The following TENM2 variants were observed in gnomAD, a reference collection of about 807,000 sequenced individuals.
TENM2 encodes the protein teneurin transmembrane protein 2, also known as teneurin-2.
Under a neutral mutation model 245.2 loss-of-function variants are expected in TENM2, and 52 were observed. The observed-to-expected ratio is 0.21, with a 90% CI of 0.17 to 0.27. The LOEUF (loss-of-function observed/expected upper bound fraction) is 0.27, where lower values mean the gene tolerates loss of function less well. Ranked by LOEUF, TENM2 falls within the 10% of genes least tolerant of loss-of-function variation. The pLI, the probability that TENM2 is intolerant of heterozygous loss-of-function variation, is 1.00. For missense variants in TENM2, 3,046 were observed against 3,666.8 expected (o/e 0.83, Z 4.37); for synonymous variants, 1,363 against 1,438.9 (o/e 0.95, Z 1.19).
At chr5:167,042,028 C>G in the TENM2 span, among the ~76,000 whole-genome samples, 21 of 152,142 alleles carry the variant, frequency 1.4e-4, no homozygotes, top group African/African-American at 4.3e-4. Context: ...TTCCCACAGG[C>G]TGACCAATGT....
the TENM2 span, among the ~76,000 whole-genome samples, chr5:166,979,072 C>T: frequency 6.6e-6 from 1 of 151,726 alleles, no homozygotes; most frequent in Non-Finnish European, 1.5e-5. Flanking sequence ...GGTGTGCGTG[C>T]GTGTGTTATG....
At chr5:168,200,347 A>G (rs779687200) in intron 17 of TENM2, among the ~76,000 whole-genome samples, 1 of 152,222 alleles carries the variant, frequency 6.6e-6, no homozygotes, top group Admixed American at 6.5e-5. Flanking sequence ...ATCAAGCAAG[A>G]TAGGTGCTAA....
rs763866538 is a variant in TENM2 at position 168,218,561 on chromosome 5, T to C, written c.4670T>C (p.Ile1557Thr). 18 of 1,613,890 alleles carry C rather than the reference T, an allele frequency of 1.1e-5. No individual in the cohort carries two copies. The highest frequency in any genetic ancestry group is 4.0e-5 in the African/African-American group (3 of 74,928). The change falls in exon 23 of 29, where the codon ATT becomes ACT. Residue 1557 changes from isoleucine (I) to threonine (T), a missense_variant. Coordinates refer to ENST00000518659, the Ensembl canonical transcript of TENM2. This position sits in a 1 kb window ranked among gnomAD's most constrained non-coding sequence, Gnocchi z 5.2. ...TTAGCTGTAGCTCCAGATGGTACCA[T>C]TTACATTGCAGACCTTGGAAATATT... is the stretch of plus-strand genomic sequence containing the variant.
At chr5:168,110,744 G>A (rs1333812022) in intron 9 of TENM2, among the ~76,000 whole-genome samples, 4 of 152,120 alleles carry the variant, frequency 2.6e-5, no homozygotes, top group South Asian at 2.1e-4. Context: ...TGTGTACTCC[G>A]AAGAATTTAA....
At chr5:168,075,211 T>C (rs1791364523) in intron 7 of TENM2, among the ~76,000 whole-genome samples, 1 of 152,226 alleles carries the variant, frequency 6.6e-6, no homozygotes, top group African/African-American at 2.4e-5. Flanking sequence ...CCTGAGTTAC[T>C]TCACTTAGAA....
chr5:167,183,258 C>G, the TENM2 span, among the ~76,000 whole-genome samples: 1 of 152,128 alleles, frequency 6.6e-6, no homozygotes, highest in Non-Finnish European at 1.5e-5. Context: ...GGTCCTGACT[C>G]CACCACTTAC....
intron 25 of TENM2, among the ~76,000 whole-genome samples, chr5:168,233,075 C>T (rs1407966979): frequency 6.6e-6 from 1 of 152,220 alleles, no homozygotes; most frequent in Non-Finnish European, 1.5e-5. Flanking sequence ...CGCCTGTAAT[C>T]CCAGCACTTT....
At chr5:167,127,339 C>T in the TENM2 span, among the ~76,000 whole-genome samples, 1 of 152,104 alleles carries the variant, frequency 6.6e-6, no homozygotes, top group Non-Finnish European at 1.5e-5. Flanking sequence ...TTGCTGAAAA[C>T]AGCACTGCTT....
At chr5:168,164,139 A>G (rs998853707) in intron 13 of TENM2, among the ~76,000 whole-genome samples, 2 of 152,174 alleles carry the variant, frequency 1.3e-5, no homozygotes, top group Admixed American at 1.3e-4. Context: ...TCCGCCTTTA[A>G]TATTTAACCT....
intron 2 of TENM2, among the ~76,000 whole-genome samples, chr5:167,861,622 C>T (rs554216538): frequency 6.6e-6 from 1 of 152,286 alleles, no homozygotes; most frequent in South Asian, 2.1e-4. Flanking sequence ...GCCATGCAAA[C>T]GCTGTGGCCA....
chr5:167,942,703 G>A (rs1375333327), intron 3 of TENM2, among the ~76,000 whole-genome samples: 1 of 152,100 alleles, frequency 6.6e-6, no homozygotes, highest in Non-Finnish European at 1.5e-5. Flanking sequence ...TCAGCAGCGG[G>A]GTACTTCTAC....
intron 2 of TENM2, among the ~76,000 whole-genome samples, chr5:167,709,624 G>C (rs1445705107): frequency 6.6e-6 from 1 of 152,170 alleles, no homozygotes; most frequent in Non-Finnish European, 1.5e-5. Context: ...CAGGTTCTCT[G>C]TCTCTTTCTC....
intron 2 of TENM2, among the ~76,000 whole-genome samples, chr5:167,595,933 C>G (rs1009531893): frequency 6.6e-6 from 1 of 152,124 alleles, no homozygotes; most frequent in African/African-American, 2.4e-5. Flanking sequence ...ACTGGAAAGA[C>G]AGAGTGACTG....
intron 12 of TENM2, among the ~76,000 whole-genome samples, chr5:168,150,327 A>G (rs573101840): frequency 6.6e-6 from 1 of 152,212 alleles, no homozygotes; most frequent in Non-Finnish European, 1.5e-5. Flanking sequence ...TGGGATTGGT[A>G]TTTCTCCCTT....
At chr5:167,755,193 G>C (rs1261548488) in intron 2 of TENM2, 1 of 1,597,972 alleles carries the variant, frequency 6.3e-7, no homozygotes, top group African/African-American at 1.3e-5. Flanking sequence ...GAGTCTCTGG[G>C]TAAGGATGAT....
intron 2 of TENM2, among the ~76,000 whole-genome samples, chr5:167,662,269 C>T (rs1301222384): frequency 2.0e-5 from 3 of 152,130 alleles, no homozygotes; most frequent in East Asian, 1.9e-4. Context: ...TGGAGAGAGA[C>T]TCAGAGATCT....
In TENM2 at chr5:168,225,753, C is replaced by CATCA. The variant is rs1764115221; in HGVS notation, c.5109-334_5109-331dup. On this transcript the variant is annotated intron_variant, in intron 23 of 28. Coordinates refer to ENST00000518659, the Ensembl canonical transcript of TENM2. ...TCCAGCCTGGGACAGAGTGAGACTCCATCATCTCAAAAAAAAAAAAAAAAA... is the reference window on the plus strand; with the variant it reads ...TCCAGCCTGGGACAGAGTGAGACTCCATCAATCATCTCAAAAAAAAAAAAAAAAA... 3.0e-5 allele frequency among the ~76,000 whole-genome samples: 4 copies of CATCA among 133,234 alleles called. No individual in the cohort carries two copies. The South Asian group carries it at 9.9e-4, about 33-fold the overall frequency. The allele number at this position is 133,234 out of a possible 152,430, so 87.4% of individuals were successfully genotyped here.
chr5:167,056,542 A>T, the TENM2 span, among the ~76,000 whole-genome samples: 1 of 132,316 alleles, frequency 7.6e-6, no homozygotes, highest in African/African-American at 3.0e-5. Context: ...ATATCTATAA[A>T]ATATATAAAT....
the TENM2 span, among the ~76,000 whole-genome samples, chr5:167,118,123 A>C: frequency 6.6e-5 from 10 of 152,234 alleles, no homozygotes; most frequent in African/African-American, 2.4e-4. Context: ...AAGACTATTC[A>C]TAGTTATTCA....
Sources: allele counts gnomAD v4.1 joint callset (sites outside exome capture counted in the v4.1 genomes callset), GRCh38; gene constraint gnomAD v4.1.1; non-coding constraint Gnocchi (gnomAD v3.1); transcripts MANE v1.5; gene names NCBI Gene and HGNC (gene_info 2026-07-23, HGNC 2026-07-21).